FABP7: variants seen among roughly 807,000 people sequenced by gnomAD.
FABP7 encodes the protein fatty acid binding protein 7, also known as fatty acid-binding protein, brain.
In FABP7, 13 loss-of-function variants were observed where a neutral mutation model predicts 14.2. That is an observed-to-expected ratio of 0.91 (90% confidence interval 0.59 to 1.45). The LOEUF is 1.45. Ranked by LOEUF, FABP7 falls within the 40% of genes most tolerant of loss-of-function variation. The probability of loss-of-function intolerance (pLI) is 0.00; values close to 1 mark genes in which losing one functional copy is unlikely to be tolerated. For missense variants in FABP7, 149 were observed against 157.6 expected, an observed-to-expected ratio of 0.95 and a Z score of 0.29; for synonymous variants, 49 against 51.4, an observed-to-expected ratio of 0.95 and a Z score of 0.20.
At chr6:122,772,856 G>GA in the FABP7 span, among the ~76,000 whole-genome samples, 8 of 152,144 alleles carry the variant, frequency 5.3e-5, no homozygotes, top group Non-Finnish European at 1.0e-4. Flanking sequence ...GCCCTTGCTT[G>GA]AAGATTGGAA....
the FABP7 span, among the ~76,000 whole-genome samples, chr6:122,768,415 T>A: frequency 6.6e-6 from 1 of 152,110 alleles, no homozygotes; most frequent in Non-Finnish European, 1.5e-5. Flanking sequence ...TACATAACAA[T>A]GTAAAACATT....
the FABP7 span, among the ~76,000 whole-genome samples, chr6:122,757,500 T>C: frequency 6.6e-6 from 1 of 152,082 alleles, no homozygotes; most frequent in African/African-American, 2.4e-5. Context: ...AGATGCAATG[T>C]CGTAGAAGAG....
chr6:122,783,208 G>T, intron 3 of FABP7: 1 of 985,368 alleles, frequency 1.0e-6, no homozygotes, highest in Non-Finnish European at 1.2e-6. Context: ...GTTCACATAG[G>T]CTAAACCATG....
At chr6:122,753,091 G>A in the FABP7 span, among the ~76,000 whole-genome samples, 4 of 152,264 alleles carry the variant, frequency 2.6e-5, no homozygotes, top group African/African-American at 7.2e-5. Context: ...GAGACTAACC[G>A]TTTCTCTCTG....
At chr6:122,783,160 G>C (rs1780837360) in intron 3 of FABP7, 1 of 985,270 alleles carries the variant, frequency 1.0e-6, no homozygotes, top group Non-Finnish European at 1.2e-6. Context: ...TAGAGTAATA[G>C]AGCTGATGTT....
At chr6:122,755,511 T>C in the FABP7 span, among the ~76,000 whole-genome samples, 1 of 144,886 alleles carries the variant, frequency 6.9e-6, no homozygotes, top group African/African-American at 2.5e-5. Flanking sequence ...CAGGCTGGAG[T>C]GGTGCAATCT....
At chr6:122,750,874 G>A in the FABP7 span, among the ~76,000 whole-genome samples, 1 of 152,214 alleles carries the variant, frequency 6.6e-6, no homozygotes, top group Non-Finnish European at 1.5e-5. Flanking sequence ...GAAAAGTTCG[G>A]ATTTTGAAGC....
chr6:122,767,773 AAGAG>A, the FABP7 span, among the ~76,000 whole-genome samples: 322 of 149,334 alleles, frequency 2.2e-3, 2 homozygotes, highest in African/African-American at 7.2e-3. Context: ...AAAAAAAAAG[AAGAG>A]AGAGAGAGAA....
At chr6:122,761,210 A>T in the FABP7 span, among the ~76,000 whole-genome samples, 5 of 152,298 alleles carry the variant, frequency 3.3e-5, no homozygotes, top group East Asian at 7.7e-4. Context: ...CTGTTAACAT[A>T]CACAGTGGAA....
the FABP7 span, among the ~76,000 whole-genome samples, chr6:122,768,705 C>A: frequency 6.6e-6 from 1 of 152,126 alleles, no homozygotes; most frequent in Admixed American, 6.6e-5. Context: ...GATTATGACA[C>A]TAACCAACGG....
At chr6:122,754,912 T>G in the FABP7 span, among the ~76,000 whole-genome samples, 1 of 152,112 alleles carries the variant, frequency 6.6e-6, no homozygotes, top group African/African-American at 2.4e-5. Context: ...TACAATGTTC[T>G]CCACCTAAAC....
chr6:122,764,181 G>A, the FABP7 span, among the ~76,000 whole-genome samples: 56,370 of 152,102 alleles, frequency 0.37, 11,265 homozygotes, highest in Non-Finnish European at 0.46. Context: ...GATGTGGCAC[G>A]TATACACCAT....
Position 122,781,108 on chromosome 6 carries a change from G to A in FABP7, c.262G>A (p.Asp88Asn), listed in dbSNP as rs1322945075. 6.2e-7 allele frequency: 1 copy of A among 1,613,390 alleles called. No individual in the cohort carries two copies. Residue 88 changes from aspartate (D) to asparagine (N), a missense_variant, in exon 3 of 4, where the codon GAT (aspartate) becomes AAT (asparagine). Transcript: ENST00000368444. ...DRNCKSVVSL[D>N]GDKLVHIQKW... ...TTGGTCTCAGTCTGTTGTTAGCCTG[G>A]ATGGAGACAAACTTGTTCACATACA... is the stretch of plus-strand genomic sequence containing the variant.
the FABP7 span, among the ~76,000 whole-genome samples, chr6:122,753,791 C>CT: frequency 1.1e-5 from 1 of 93,752 alleles, no homozygotes; most frequent in African/African-American, 4.1e-5. Context: ...CCCGCCCCCC[C>CT]CCCGCCCACA....
upstream of FABP7, among the ~76,000 whole-genome samples, chr6:122,775,704 C>CA (rs141823193): frequency 0.018 from 2,688 of 149,672 alleles, 29 homozygotes; most frequent in East Asian, 0.036. Flanking sequence ...ACAACAACAA[C>CA]AAAAAAAACA....
At chr6:122,781,053 G>C (rs771417194) in intron 2 of FABP7, 40 bp from the exon 3 acceptor site, 95 of 1,571,056 alleles carry the variant, frequency 6.0e-5, no homozygotes, top group Non-Finnish European at 7.5e-5. Flanking sequence ...AATCTGAATT[G>C]TATTTATTGC....
At chr6:122,777,209 A>G (rs745910793), upstream of FABP7, among the ~76,000 whole-genome samples, 8 of 152,176 alleles carry the variant, frequency 5.3e-5, no homozygotes, top group Admixed American at 1.3e-4. Flanking sequence ...ACATCCTACC[A>G]CTTTAAACGT....
chr6:122,762,837 A>C, the FABP7 span, among the ~76,000 whole-genome samples: 4 of 152,328 alleles, frequency 2.6e-5, no homozygotes, highest in South Asian at 8.3e-4. Flanking sequence ...CTTAAAAGGG[A>C]TGTGAAGGAC....
chr6:122,783,830 C>A lies in FABP7; in HGVS notation c.*63C>A. ...TTTTCTGTTTCCTCAAGTCTCAGTG[C>A]TATCCTATTACAACATGGCTGATCA... On this transcript the variant is annotated 3_prime_UTR_variant, in exon 4 of 4. Transcript: ENST00000368444. 2 of 1,294,470 alleles carry A rather than the reference C, an allele frequency of 1.5e-6. No individual in the cohort carries two copies. Among genetic ancestry groups the A allele is most frequent in the Non-Finnish European group, 2.2e-6 (2 of 902,756 alleles). The allele number at this position is 1,294,470 out of a possible 1,614,324, so 80.2% of individuals were successfully genotyped here. A position where few individuals can be genotyped will look rare whatever the true frequency, so the allele number is the denominator to read the frequency against.
Sources: allele counts gnomAD v4.1 joint callset (sites outside exome capture counted in the v4.1 genomes callset), GRCh38; gene constraint gnomAD v4.1.1; transcripts MANE v1.5; gene names NCBI Gene and HGNC (gene_info 2026-07-23, HGNC 2026-07-21).